Variants in MGAT5 observed in about 807,000 individuals in gnomAD.
MGAT5 encodes the protein alpha-1,6-mannosylglycoprotein 6-beta-N-acetylglucosaminyltransferase A.
In MGAT5, 30 loss-of-function variants were observed where a neutral mutation model predicts 94.3. That is an observed-to-expected ratio of 0.32 (90% CI 0.24 to 0.43). MGAT5 has a LOEUF of 0.43. MGAT5 is among the 20% of genes least tolerant of loss of function. MGAT5 has a pLI of 1.00. For synonymous variants in MGAT5, 310 were observed against 322.9 expected (o/e 0.96, Z 0.43); for missense variants, 691 against 905.5 (o/e 0.76, Z 3.04).
intron 4 of MGAT5, among the ~76,000 whole-genome samples, chr2:134,322,637 C>T (rs1468734370): frequency 6.6e-6 from 1 of 152,126 alleles, no homozygotes; most frequent in Non-Finnish European, 1.5e-5. Context: ...CGATTAATTC[C>T]TTTTTAGTAT....
chr2:134,126,597 A>G (rs1219878674), intron 1 of MGAT5, among the ~76,000 whole-genome samples: 1 of 152,192 alleles, frequency 6.6e-6, no homozygotes, highest in Non-Finnish European at 1.5e-5. Context: ...CTCTTTGGGG[A>G]TGTTTATCTT....
intron 1 of MGAT5, among the ~76,000 whole-genome samples, chr2:134,172,053 T>TA (rs1345164347): frequency 6.6e-6 from 1 of 152,240 alleles, no homozygotes; most frequent in East Asian, 1.9e-4. Context: ...ATTTTATGTG[T>TA]ATAGAATTAG....
intron 2 of MGAT5, among the ~76,000 whole-genome samples, chr2:134,283,645 CT>C (rs35922830): frequency 0.09 from 6,171 of 68,816 alleles, 221 homozygotes; most frequent in African/African-American, 0.16. Flanking sequence ...AATGTAGTAT[CT>C]TTTTTTTTTT....
intron 4 of MGAT5, among the ~76,000 whole-genome samples, chr2:134,322,109 A>G (rs1687362534): frequency 6.6e-6 from 1 of 152,194 alleles, no homozygotes; most frequent in East Asian, 1.9e-4. Flanking sequence ...CCTTTATGAA[A>G]TAATAGGAAT....
chr2:134,280,304 C>T (rs1294907686), intron 2 of MGAT5, among the ~76,000 whole-genome samples: 1 of 152,116 alleles, frequency 6.6e-6, no homozygotes, highest in East Asian at 1.9e-4. Context: ...CATCTCACAG[C>T]CTCCTTCTTC....
chr2:134,139,614 C>A (rs1375935404), intron 1 of MGAT5, among the ~76,000 whole-genome samples: 1 of 152,112 alleles, frequency 6.6e-6, no homozygotes. Context: ...TACAGCCCAG[C>A]CATGAAAAGG....
At chr2:134,295,865 C>T (rs893458347) in intron 2 of MGAT5, among the ~76,000 whole-genome samples, 7 of 152,058 alleles carry the variant, frequency 4.6e-5, no homozygotes, top group Non-Finnish European at 1.5e-5. Flanking sequence ...GAGATGGGTT[C>T]GGTGGATTTA....
At chr2:134,338,603 G>A (rs961862128) in intron 6 of MGAT5, among the ~76,000 whole-genome samples, 183 bp downstream of exon 6, 1 of 152,094 alleles carries the variant, frequency 6.6e-6, no homozygotes, top group Non-Finnish European at 1.5e-5. Context: ...CTCCCACTTA[G>A]CAGGGTCTGG....
intron 2 of MGAT5, among the ~76,000 whole-genome samples, chr2:134,299,124 C>G (rs74895727): frequency 2.6e-5 from 4 of 152,172 alleles, no homozygotes; most frequent in African/African-American, 4.8e-5. Context: ...CTATCATCAT[C>G]TGTAGTCCAC....
In MGAT5 at chr2:134,190,928, T is replaced by C. The variant is rs895073605; in HGVS notation, c.-142-63334T>C. 2.0e-5 allele frequency among the ~76,000 whole-genome samples: 3 copies of C among 151,896 alleles called. No homozygotes were observed. The East Asian group carries it at 5.8e-4, about 29-fold the overall frequency. ...CCTCCCAGAGTGCTGGGATTACAAG[T>C]GTGAGCCAGTGCACCCAGTCAGCTA... On this transcript the variant is annotated intron_variant, in intron 1 of 16. Transcript: ENST00000409645.
chr2:134,200,357 C>T (rs1404710233), intron 1 of MGAT5, among the ~76,000 whole-genome samples: 2 of 152,222 alleles, frequency 1.3e-5, no homozygotes, highest in Non-Finnish European at 1.5e-5. Flanking sequence ...ATCTTCCTTC[C>T]TTTGTAGATT....
chr2:134,269,082 T>G (rs1209545886), intron 1 of MGAT5, among the ~76,000 whole-genome samples: 2 of 152,192 alleles, frequency 1.3e-5, no homozygotes, highest in African/African-American at 4.8e-5. Context: ...GGGGAGGATG[T>G]GAAGATAAAA....
Position 134,317,527 on chromosome 2 carries a change from A to T in MGAT5, c.407-2A>T. The T allele has an allele frequency of 1.3e-6, 2 of 1,555,496 alleles. No individual in the cohort carries two copies. Among genetic ancestry groups the T allele is most frequent in the Non-Finnish European group, 1.7e-6 (2 of 1,152,002 alleles). On this transcript the variant is annotated splice_acceptor_variant, in intron 2 of 15. Transcript: ENST00000281923. LOFTEE classifies it high-confidence loss of function. ...TCCTTTGTTGTTTTTCATTCTTCACAGATATCATTAACGGAGCTCAAGAAA... is the reference window on the plus strand; with the variant it reads ...TCCTTTGTTGTTTTTCATTCTTCACTGATATCATTAACGGAGCTCAAGAAA...
rs139953049 is a variant in MGAT5 at position 134,359,517 on chromosome 2, A to G, written c.1247-2758A>G. ...GAACTTGGCATGTAGTCAGAACTCA[A>G]AATACCAGCCATCCTTTTTAAAAAT... On this transcript the variant is annotated intron_variant, in intron 9 of 15. Coordinates refer to ENST00000281923, the MANE Select transcript of MGAT5 (RefSeq NM_002410.5). Among the ~76,000 whole-genome samples the G allele has an allele frequency of 1.5e-4, 23 of 152,374 alleles. No individual in the cohort carries two copies. In the East Asian group the frequency reaches 4.0e-3, roughly 27 times the overall value.
intron 2 of MGAT5, among the ~76,000 whole-genome samples, chr2:134,310,591 C>A (rs982831344): frequency 1.3e-5 from 2 of 152,194 alleles, no homozygotes; most frequent in African/African-American, 4.8e-5. Context: ...GTGAGTCTTG[C>A]CTGTTTCCCA....
At chr2:134,206,767 G>A (rs906468701) in intron 1 of MGAT5, among the ~76,000 whole-genome samples, 3 of 152,166 alleles carry the variant, frequency 2.0e-5, no homozygotes, top group African/African-American at 4.8e-5. Flanking sequence ...GTAGGAATTA[G>A]CATGCTGTGG....
chr2:134,156,560 G>A (rs1445060229), intron 1 of MGAT5, among the ~76,000 whole-genome samples: 1 of 152,172 alleles, frequency 6.6e-6, no homozygotes, highest in African/African-American at 2.4e-5. Flanking sequence ...CAGTGGTTTG[G>A]TTGTAGCTAA....
intron 10 of MGAT5, among the ~76,000 whole-genome samples, chr2:134,382,255 A>AC (rs1469570368): frequency 6.6e-6 from 1 of 152,062 alleles, no homozygotes; most frequent in African/African-American, 2.4e-5. Flanking sequence ...CCTGTCTAAA[A>AC]AAAAAAAATA....
chr2:134,313,358 C>G (rs1362511912), intron 2 of MGAT5, among the ~76,000 whole-genome samples: 1 of 152,148 alleles, frequency 6.6e-6, no homozygotes. Context: ...TTAGATTAAA[C>G]CCATATTCGA....
Sources: gnomAD v4.1 joint callset for allele counts (sites outside exome capture counted in the v4.1 genomes callset) on GRCh38, gnomAD v4.1.1 for gene constraint, MANE v1.5 for transcripts, NCBI Gene and HGNC (gene_info 2026-07-23, HGNC 2026-07-21) for gene names.